Variants in VPS13B observed in about 807,000 individuals in gnomAD.
The protein encoded by VPS13B is vacuolar protein sorting 13 homolog B.
A neutral mutation model predicts 426.4 loss-of-function variants in VPS13B; 285 were observed. The observed-to-expected ratio is 0.67, with a 90% confidence interval of 0.61 to 0.74. The LOEUF (loss-of-function observed/expected upper bound fraction) is 0.74. VPS13B is among the 30% of genes least tolerant of loss of function. The pLI is 0.00. For synonymous variants in VPS13B, 1,676 were observed against 1,676.4 expected, an observed-to-expected ratio of 1.00 and a Z score of 0.01; for missense variants, 4,537 against 4,782.6, an observed-to-expected ratio of 0.95 and a Z score of 1.51.
Position 99,556,572 on chromosome 8 carries a change from A to C in VPS13B, c.4868A>C (p.Lys1623Thr), listed in dbSNP as rs1824576911. ...TAQWHQLKPEKESVSGGVVTE... is the reference protein window; with the variant it reads ...TAQWHQLKPETESVSGGVVTE... The stretch of plus-strand genomic sequence containing the variant: ...CAGTGGCATCAACTAAAACCAGAGA[A>C]GGAAAGTGTCTCAGGAGGGGTGGTA... Residue 1623 changes from lysine to threonine, a missense_variant, in exon 31 of 62, where the codon AAG (lysine) becomes ACG (threonine). By Grantham distance (78) the Lys-to-Thr change is moderately conservative. Coordinates refer to ENST00000357162, the MANE Select transcript of VPS13B (RefSeq NM_152564.5). 1.2e-6 allele frequency: 2 copies of C among 1,613,308 alleles called. No individual in the cohort carries two copies. Among genetic ancestry groups the C allele is most frequent in the Non-Finnish European group, 1.7e-6 (2 of 1,179,510 alleles).
intron 3 of VPS13B, among the ~76,000 whole-genome samples, chr8:99,079,123 G>A (rs1422745693): frequency 2.0e-5 from 3 of 152,052 alleles, no homozygotes; most frequent in Non-Finnish European, 4.4e-5. Context: ...AATGTTGGTG[G>A]GCACGGCTGG....
intron 26 of VPS13B, 39 bp from the exon 27 acceptor site, chr8:99,502,797 G>A (rs1821313321): frequency 7.1e-7 from 1 of 1,398,828 alleles, no homozygotes; most frequent in Admixed American, 1.7e-5. Context: ...TATTAATTGT[G>A]AAGACTGTGT....
chr8:99,044,994 A>AG (rs1261782409), intron 3 of VPS13B, among the ~76,000 whole-genome samples: 2 of 150,626 alleles, frequency 1.3e-5, no homozygotes. Flanking sequence ...TTTTGCTATA[A>AG]ACATGTGTGT....
intron 51 of VPS13B, among the ~76,000 whole-genome samples, chr8:99,831,840 G>C (rs181738907): frequency 3.9e-5 from 6 of 152,196 alleles, no homozygotes; most frequent in African/African-American, 7.2e-5. Context: ...TTGAGCATCC[G>C]TGGTATTCTC....
At chr8:99,868,584 C>T (rs931481472) in intron 59 of VPS13B, 119 bp downstream of exon 59, 2 of 1,182,030 alleles carry the variant, frequency 1.7e-6, no homozygotes, top group Non-Finnish European at 1.2e-6. Context: ...TCTTTCTTAC[C>T]TCTCTATGCT....
At chr8:99,456,763 G>C (rs971838161) in intron 23 of VPS13B, among the ~76,000 whole-genome samples, 2 of 152,068 alleles carry the variant, frequency 1.3e-5, no homozygotes, top group African/African-American at 4.8e-5. Flanking sequence ...TAGATTTCTT[G>C]TAGTGACTTT....
chr8:99,309,856 G>A (rs1419899202), intron 19 of VPS13B, among the ~76,000 whole-genome samples: 1 of 151,956 alleles, frequency 6.6e-6, no homozygotes, highest in Non-Finnish European at 1.5e-5. Context: ...CTTTTATTTT[G>A]TTGAGCAGTG....
intron 35 of VPS13B, among the ~76,000 whole-genome samples, chr8:99,670,096 C>T (rs940161512): frequency 1.3e-5 from 2 of 151,836 alleles, no homozygotes; most frequent in African/African-American, 4.8e-5. Context: ...TTTTTGAGTG[C>T]TTTTGCCTTT....
chr8:99,018,730 A>G (rs1015304636), intron 2 of VPS13B, among the ~76,000 whole-genome samples: 3 of 152,210 alleles, frequency 2.0e-5, no homozygotes, highest in African/African-American at 7.2e-5. Context: ...GTTGTTAGCT[A>G]TAAATAACCT....
At chr8:99,110,215 G>A (rs952211663) in intron 5 of VPS13B, among the ~76,000 whole-genome samples, 7 of 152,108 alleles carry the variant, frequency 4.6e-5, no homozygotes, top group African/African-American at 1.7e-4. Flanking sequence ...CAGAAATAGT[G>A]TTATAACCTG....
intron 29 of VPS13B, among the ~76,000 whole-genome samples, chr8:99,512,487 C>T (rs183844514): frequency 1.9e-4 from 29 of 152,210 alleles, no homozygotes; most frequent in African/African-American, 6.0e-4. Context: ...CAGAAATCTA[C>T]GTTTTTATAC....
At chr8:99,732,839 G>C (rs1371708958) in intron 39 of VPS13B, among the ~76,000 whole-genome samples, 4 of 152,222 alleles carry the variant, frequency 2.6e-5, no homozygotes, top group African/African-American at 9.6e-5. Context: ...AAAAGTAAGA[G>C]GTGGGGAAGG....
chr8:99,656,998 A>G (rs1027015983), intron 34 of VPS13B, among the ~76,000 whole-genome samples: 10 of 152,008 alleles, frequency 6.6e-5, no homozygotes, highest in African/African-American at 1.7e-4. Flanking sequence ...TACTTTAAAA[A>G]CCCGTTATAT....
chr8:99,239,081 G>T (rs2132880182), intron 17 of VPS13B, among the ~76,000 whole-genome samples: 1 of 152,150 alleles, frequency 6.6e-6, no homozygotes, highest in African/African-American at 2.4e-5. Flanking sequence ...CCTTACATTT[G>T]ACCTTTAATG....
At chr8:99,329,897 C>G (rs1396167921) in intron 19 of VPS13B, among the ~76,000 whole-genome samples, 3 of 151,948 alleles carry the variant, frequency 2.0e-5, no homozygotes, top group Non-Finnish European at 4.4e-5. Flanking sequence ...CCACATAATT[C>G]TGTCTCATAC....
chr8:99,582,167 GTCT>G (rs916392594), intron 33 of VPS13B, among the ~76,000 whole-genome samples: 1 of 151,928 alleles, frequency 6.6e-6, no homozygotes, highest in Non-Finnish European at 1.5e-5. Flanking sequence ...TTACAAGATA[GTCT>G]TAGTCTCATA....
Position 99,467,612 on chromosome 8 carries a change from A to C in VPS13B, c.3644A>C (p.Glu1215Ala). The C allele has an allele frequency of 6.2e-7, 1 of 1,613,728 alleles. No individual in the cohort carries two copies. Residue 1215 changes from glutamate to alanine, a missense_variant, in exon 24 of 62, where the codon GAG becomes GCG. By Grantham distance (107) the Glu-to-Ala change is moderately radical. Transcript: ENST00000357162. ...VCLHVDLESL[E>A]IKCSNPQVQL... The stretch of plus-strand genomic sequence containing the variant: ...CTCCATGTTGACCTAGAGTCACTAG[A>C]GATAAAATGCTCTAATCCCCAGGTT...
At chr8:99,302,720 G>A (rs1227980577) in intron 19 of VPS13B, among the ~76,000 whole-genome samples, 3 of 152,024 alleles carry the variant, frequency 2.0e-5, no homozygotes, top group Non-Finnish European at 4.4e-5. Context: ...TGTTGGCCAT[G>A]CTGGTCTTGA....
chr8:99,048,086 A>G (rs1319453916), intron 3 of VPS13B, among the ~76,000 whole-genome samples: 2 of 152,226 alleles, frequency 1.3e-5, no homozygotes, highest in African/African-American at 4.8e-5. Context: ...TTTAATTTCC[A>G]TATTGATATT....
Sources: gnomAD v4.1 joint callset for allele counts (sites outside exome capture counted in the v4.1 genomes callset) on GRCh38, gnomAD v4.1.1 for gene constraint, MANE v1.5 for transcripts, NCBI Gene and HGNC (gene_info 2026-07-23, HGNC 2026-07-21) for gene names.